The following CHODL variants were observed in gnomAD, a reference collection of about 807,000 sequenced individuals.
CHODL encodes the protein transmembrane protein MT75.
Under a neutral mutation model 34.5 loss-of-function variants are expected in CHODL, and 29 were observed. The observed-to-expected ratio is 0.84, with a 90% CI of 0.63 to 1.15. CHODL has a LOEUF of 1.15. Among genes scored for constraint, CHODL ranks in the 50% most tolerant of loss-of-function variants. CHODL has a pLI of 0.00. For missense variants in CHODL, 332 were observed against 332.5 expected (o/e 1.00, Z 0.01); for synonymous variants, 125 against 116.1 (o/e 1.08, Z -0.49).
At chr21:18,238,728 A>T (rs2074053360) in intron 2 of CHODL, among the ~76,000 whole-genome samples, 1 of 152,150 alleles carries the variant, frequency 6.6e-6, no homozygotes, top group Admixed American at 6.5e-5. Flanking sequence ...TACAGTCACA[A>T]GTAAATGAGT....
chr21:18,004,832 CA>C (rs66656507), intron 1 of CHODL, among the ~76,000 whole-genome samples: 23,363 of 129,378 alleles, frequency 0.18, 1,896 homozygotes, highest in South Asian at 0.34. Flanking sequence ...TAAAAAATTG[CA>C]AAAAAAAAAA....
In CHODL at chr21:18,128,296, C is replaced by CAA. The variant is rs71189585; in HGVS notation, c.-45+100369_-45+100370dup. Among the ~76,000 whole-genome samples the CAA allele has an allele frequency of 1.4e-4, 4 of 28,058 alleles. 1 individual carries two copies. Among genetic ancestry groups the CAA allele is most frequent in the East Asian group, 1.3e-3 (1 of 792 alleles). 18.4% of individuals were successfully genotyped at this position (28,058 alleles called of 152,430 possible). Reference sequence around the variant, plus strand: ...AGCCTGGGTGACAGAGCAAGAGTCTCAAAAAAAAAAAAAAAAAAAAAAAAA... The same window carrying CAA: ...AGCCTGGGTGACAGAGCAAGAGTCTCAAAAAAAAAAAAAAAAAAAAAAAAAAA... On this transcript the variant is annotated intron_variant, in intron 2 of 6. Transcript: ENST00000400127.
chr21:17,995,789 GC>G (rs1450745931), intron 1 of CHODL, among the ~76,000 whole-genome samples: 1 of 152,154 alleles, frequency 6.6e-6, no homozygotes, highest in Non-Finnish European at 1.5e-5. Flanking sequence ...TGGGTTTAAT[GC>G]CTGTGGCCTA....
At chr21:18,253,207 A>G (rs954484655) in intron 1 of CHODL, among the ~76,000 whole-genome samples, 1 of 152,114 alleles carries the variant, frequency 6.6e-6, no homozygotes, top group Non-Finnish European at 1.5e-5. Context: ...GGGATAATGA[A>G]CAGTGACTTT....
At chr21:18,197,943 A>C (rs1334578881) in intron 2 of CHODL, among the ~76,000 whole-genome samples, 1 of 152,164 alleles carries the variant, frequency 6.6e-6, no homozygotes, top group Non-Finnish European at 1.5e-5. Flanking sequence ...GATAGTTTAA[A>C]CTTACCTAAG....
At chr21:18,169,137 C>A (rs879478973) in intron 2 of CHODL, among the ~76,000 whole-genome samples, 8 of 152,068 alleles carry the variant, frequency 5.3e-5, no homozygotes, top group Non-Finnish European at 8.8e-5. Flanking sequence ...CCAGTAGAAC[C>A]ATCAAAGGCT....
intron 2 of CHODL, among the ~76,000 whole-genome samples, chr21:18,043,513 AGT>A (rs1441750624): frequency 6.6e-6 from 1 of 151,964 alleles, no homozygotes; most frequent in East Asian, 1.9e-4. Context: ...AGAGACTCAA[AGT>A]GTGTTACTTG....
At chr21:17,960,406 A>T (rs773210838) in intron 1 of CHODL, among the ~76,000 whole-genome samples, 4 of 152,228 alleles carry the variant, frequency 2.6e-5, no homozygotes, top group African/African-American at 4.8e-5. Context: ...CCTAGCATGC[A>T]GTGTTGCTTT....
intron 2 of CHODL, among the ~76,000 whole-genome samples, chr21:18,141,068 G>A (rs1268646960): frequency 6.6e-6 from 1 of 151,866 alleles, no homozygotes; most frequent in African/African-American, 2.4e-5. Context: ...GGATATTTTA[G>A]ACAAAGACAA....
intron 2 of CHODL, among the ~76,000 whole-genome samples, chr21:18,174,161 A>ATCTTGGTAT (rs2073276201): frequency 1.2e-5 from 1 of 85,658 alleles, no homozygotes; most frequent in Non-Finnish European, 3.1e-5. Context: ...ATATATATAT[A>ATCTTGGTAT]AAATCAAGTC....
chr21:18,172,244 C>T (rs2073241118), intron 2 of CHODL, among the ~76,000 whole-genome samples: 1 of 152,086 alleles, frequency 6.6e-6, no homozygotes. Context: ...CACTGTTTTA[C>T]TTTTCTGACA....
At chr21:18,140,542 A>G (rs1765461781) in intron 2 of CHODL, among the ~76,000 whole-genome samples, 1 of 152,152 alleles carries the variant, frequency 6.6e-6, no homozygotes, top group South Asian at 2.1e-4. Flanking sequence ...AAGCATGAAA[A>G]ATGAATATTA....
In CHODL at chr21:18,105,258, G is replaced by A. The variant is rs888247651; in HGVS notation, c.-45+77287G>A. On this transcript the variant is annotated intron_variant, in intron 2 of 6. Transcript: ENST00000400127. ...CCAGTGTGCAAGAGTAGGGGGTGAG[G>A]CAGAGACTGGGACAGCAGTAGTCTG... Among the ~76,000 whole-genome samples, 6 of 152,178 alleles carry A rather than the reference G, an allele frequency of 3.9e-5. No homozygotes were observed. In the South Asian group the frequency reaches 1.2e-3, roughly 31 times the overall value.
chr21:18,098,369 AAAT>A (rs1027225712), intron 2 of CHODL, among the ~76,000 whole-genome samples: 2 of 152,094 alleles, frequency 1.3e-5, no homozygotes, highest in African/African-American at 4.8e-5. Context: ...TAGGAAAAAA[AAAT>A]AATAATTCAA....
At chr21:17,919,319 C>T (rs989741718) in intron 1 of CHODL, among the ~76,000 whole-genome samples, 8 of 152,194 alleles carry the variant, frequency 5.3e-5, no homozygotes, top group South Asian at 2.1e-4. Context: ...AACTTCTGCC[C>T]GGGCATCCAG....
At chr21:18,001,879 C>A (rs1480612604) in intron 1 of CHODL, among the ~76,000 whole-genome samples, 1 of 148,124 alleles carries the variant, frequency 6.8e-6, no homozygotes, top group Non-Finnish European at 1.5e-5. Flanking sequence ...AAATAGGTTA[C>A]TTTTGAAGAA....
intron 1 of CHODL, among the ~76,000 whole-genome samples, chr21:18,249,242 T>C (rs1308293187): frequency 6.7e-6 from 1 of 149,382 alleles, no homozygotes; most frequent in African/African-American, 2.5e-5. Flanking sequence ...CATATACAAG[T>C]AGATGGATGT....
In CHODL at chr21:18,174,133, A is replaced by ATATATATATATATATATCTTGG. The variant is rs2073269003; in HGVS notation, c.-44-82359_-44-82358insCTTGGTATATATATATATATAT. On this transcript the variant is annotated intron_variant, in intron 2 of 6. Coordinates refer to the CHODL transcript ENST00000400127. ...TATATATATCTTGGTGTATATATAT[A>ATATATATATATATATATCTTGG]TATATATATATATATATATATATAT... Among the ~76,000 whole-genome samples the ATATATATATATATATATCTTGG allele has an allele frequency of 5.8e-3, 103 of 17,668 alleles. 3 individuals are homozygous for ATATATATATATATATATCTTGG. Among genetic ancestry groups the ATATATATATATATATATCTTGG allele is most frequent in the Non-Finnish European group, 0.016 (62 of 3,816 alleles). 11.6% of individuals were successfully genotyped at this position (17,668 alleles called of 152,430 possible). A position where few individuals can be genotyped will look rare whatever the true frequency, so the allele number is the denominator to read the frequency against.
intron 2 of CHODL, among the ~76,000 whole-genome samples, chr21:18,125,035 A>T (rs1024364016): frequency 6.6e-6 from 1 of 152,230 alleles, no homozygotes; most frequent in Non-Finnish European, 1.5e-5. Context: ...ATATACATGC[A>T]TCAGTAGTGA....
Sources: gnomAD v4.1 joint callset for allele counts (sites outside exome capture counted in the v4.1 genomes callset) on GRCh38, gnomAD v4.1.1 for gene constraint, MANE v1.5 for transcripts, NCBI Gene and HGNC (gene_info 2026-07-23, HGNC 2026-07-21) for gene names.